BBX: variants seen among roughly 807,000 people sequenced by gnomAD.
BBX encodes BBX high mobility group box domain containing.
A neutral mutation model predicts 100.2 loss-of-function variants in BBX; 30 were observed. The observed-to-expected ratio is 0.30, with a 90% CI of 0.22 to 0.41. BBX has a LOEUF of 0.41. BBX is among the 10% of genes least tolerant of loss of function. The pLI, the probability that BBX is intolerant of heterozygous loss-of-function variation, is 1.00. For synonymous variants in BBX, 376 were observed against 388.1 expected (o/e 0.97, Z 0.37); for missense variants, 1,023 against 1,129.8 (o/e 0.91, Z 1.35).
intron 2 of BBX, among the ~76,000 whole-genome samples, chr3:107,574,694 C>T (rs1249654433): frequency 6.6e-6 from 1 of 152,142 alleles, no homozygotes; most frequent in Non-Finnish European, 1.5e-5. Flanking sequence ...ATTTTAATTA[C>T]AAATTATAAC....
At position 107,808,515 on chromosome 3, in the gene BBX, T is replaced by G. The variant is rs1330191252; in HGVS notation, c.*3058T>G. On this transcript the variant is annotated 3_prime_UTR_variant, in exon 18 of 18. Coordinates refer to ENST00000325805, the MANE Select transcript of BBX (RefSeq NM_001142568.3). ...CCAGTTTTCTTTAGCCTTTTATTTA[T>G]TTAGTTATTCTGGGTATTTCCTATG... 6.6e-6 allele frequency: 1 copy of G among 152,232 alleles called. No individual in the cohort carries two copies. The highest frequency in any genetic ancestry group is 1.5e-5 in the Non-Finnish European group (1 of 68,040). 9.4% of individuals were successfully genotyped at this position (152,232 alleles called of 1,614,324 possible).
chr3:107,742,202 G>T (rs997724385), intron 7 of BBX, among the ~76,000 whole-genome samples: 1 of 152,094 alleles, frequency 6.6e-6, no homozygotes, highest in South Asian at 2.1e-4. Flanking sequence ...GTTTTAGACA[G>T]ACTCTAGTGC....
At chr3:107,709,698 G>A (rs2061601045) in intron 3 of BBX, among the ~76,000 whole-genome samples, 1 of 152,222 alleles carries the variant, frequency 6.6e-6, no homozygotes, top group South Asian at 2.1e-4. Flanking sequence ...CCATGGTGCA[G>A]GACATGATGG....
intron 12 of BBX, among the ~76,000 whole-genome samples, chr3:107,775,880 T>C (rs532564949): frequency 2.0e-5 from 3 of 152,270 alleles, no homozygotes; most frequent in African/African-American, 7.2e-5. Flanking sequence ...TATAATTTTA[T>C]GTATTTCATT....
intron 2 of BBX, among the ~76,000 whole-genome samples, chr3:107,562,370 A>G (rs989267943): frequency 6.6e-6 from 1 of 152,196 alleles, no homozygotes; most frequent in African/African-American, 2.4e-5. Context: ...AGAGTGTCTT[A>G]AAAGAATAAT....
At position 107,605,386 on chromosome 3, in the gene BBX, T is replaced by TGGG. The variant is rs1553742657; in HGVS notation, c.-83-40443_-83-40441dup. Reference sequence around the variant, plus strand: ...ATTCTTCACTTTCTATTTTTTTTTTTGGGGGGGGGATTTAATATTAAACCC... The same window carrying TGGG: ...ATTCTTCACTTTCTATTTTTTTTTTTGGGGGGGGGGGGATTTAATATTAAACCC... On this transcript the variant is annotated intron_variant, in intron 2 of 17. Coordinates refer to ENST00000325805, the MANE Select transcript of BBX (RefSeq NM_001142568.3). Among the ~76,000 whole-genome samples the TGGG allele has an allele frequency of 1.8e-3, 271 of 149,298 alleles. 2 individuals carry two copies. Among genetic ancestry groups the TGGG allele is most frequent in the African/African-American group, 6.5e-3 (263 of 40,636 alleles).
At chr3:107,555,544 G>C (rs1003656079) in intron 2 of BBX, among the ~76,000 whole-genome samples, 10 of 152,132 alleles carry the variant, frequency 6.6e-5, no homozygotes, top group African/African-American at 2.2e-4. Flanking sequence ...AGCAGAACCG[G>C]AACCAAAACT....
intron 2 of BBX, among the ~76,000 whole-genome samples, chr3:107,642,986 G>C (rs1362003736): frequency 6.6e-6 from 1 of 152,160 alleles, no homozygotes. Context: ...ATTCTTCTGT[G>C]TAAGTGGGCA....
chr3:107,536,342 T>C (rs1049567926), intron 2 of BBX, among the ~76,000 whole-genome samples: 1 of 152,248 alleles, frequency 6.6e-6, no homozygotes, highest in African/African-American at 2.4e-5. Context: ...AATTCAGATA[T>C]GGAAGATTAA....
intron 2 of BBX, among the ~76,000 whole-genome samples, chr3:107,573,198 G>A (rs1181625892): frequency 1.3e-5 from 2 of 152,150 alleles, no homozygotes; most frequent in African/African-American, 4.8e-5. Flanking sequence ...CATTCTCCGT[G>A]AAGATTTAGT....
At chr3:107,612,748 T>C (rs1178406711) in intron 2 of BBX, among the ~76,000 whole-genome samples, 2 of 152,204 alleles carry the variant, frequency 1.3e-5, no homozygotes, top group African/African-American at 4.8e-5. Context: ...ACTACTTGTC[T>C]ACTGCCTATG....
intron 5 of BBX, among the ~76,000 whole-genome samples, chr3:107,726,238 C>G (rs770735245): frequency 6.6e-6 from 1 of 151,894 alleles, no homozygotes; most frequent in Admixed American, 6.6e-5. Context: ...TAAATCAGAG[C>G]GAGTGATTGA....
At chr3:107,727,867 A>G (rs1162481430) in intron 5 of BBX, among the ~76,000 whole-genome samples, 1 of 152,206 alleles carries the variant, frequency 6.6e-6, no homozygotes. Flanking sequence ...TATTAATTTA[A>G]TAAAATGTCT....
At chr3:107,575,133 A>G (rs2051674415) in intron 2 of BBX, among the ~76,000 whole-genome samples, 1 of 152,208 alleles carries the variant, frequency 6.6e-6, no homozygotes, top group East Asian at 1.9e-4. Flanking sequence ...CGTCTCAGTG[A>G]ACTTTATGAT....
At chr3:107,605,771 G>A (rs575615393) in intron 2 of BBX, among the ~76,000 whole-genome samples, 7 of 152,304 alleles carry the variant, frequency 4.6e-5, no homozygotes, top group African/African-American at 1.7e-4. Flanking sequence ...AAGGCTTGCT[G>A]TAGACATAGT....
chr3:107,747,187 G>T (rs541010787), intron 8 of BBX, among the ~76,000 whole-genome samples: 1 of 152,118 alleles, frequency 6.6e-6, no homozygotes, highest in African/African-American at 2.4e-5. Flanking sequence ...TCAAGTGTAG[G>T]GTGGCAGACT....
intron 2 of BBX, among the ~76,000 whole-genome samples, chr3:107,631,597 G>A (rs1007642348): frequency 1.3e-5 from 2 of 151,700 alleles, no homozygotes; most frequent in African/African-American, 2.4e-5. Flanking sequence ...AGGTTTTGGG[G>A]TTCTATTTTG....
At chr3:107,800,513 A>G (rs181519399) in intron 16 of BBX, among the ~76,000 whole-genome samples, 41 of 152,340 alleles carry the variant, frequency 2.7e-4, no homozygotes, top group Admixed American at 2.4e-3. Context: ...TAGCAGGCAT[A>G]CTTGCACAGC....
chr3:107,661,354 G>A (rs2058434878), intron 3 of BBX, among the ~76,000 whole-genome samples: 2 of 152,192 alleles, frequency 1.3e-5, no homozygotes, highest in Admixed American at 6.5e-5. Context: ...TGGGGGCCTC[G>A]ATTATCATTC....
Sources: allele counts gnomAD v4.1 joint callset (sites outside exome capture counted in the v4.1 genomes callset), GRCh38; gene constraint gnomAD v4.1.1; transcripts MANE v1.5; gene names NCBI Gene and HGNC (gene_info 2026-07-23, HGNC 2026-07-21).